The following ADAMTS18 variants were observed in gnomAD, a reference collection of about 807,000 sequenced individuals.
ADAMTS18 encodes the protein A disintegrin and metalloproteinase with thrombospondin motifs 18.
Under a neutral mutation model 165.9 loss-of-function variants are expected in ADAMTS18, and 157 were observed. The observed-to-expected ratio is 0.95, with a 90% confidence interval of 0.83 to 1.08. The LOEUF (loss-of-function observed/expected upper bound fraction) is 1.08, where lower values mean the gene tolerates loss of function less well. Among genes scored for constraint, ADAMTS18 ranks in the 50% least tolerant of loss-of-function variants. ADAMTS18 has a pLI of 0.00. For missense variants in ADAMTS18, 2,040 were observed against 1,534.0 expected (o/e 1.33, Z -5.51); for synonymous variants, 782 against 578.2 (o/e 1.35, Z -5.06).
Position 77,291,413 on chromosome 16 carries a change from C to T in ADAMTS18, c.3255G>A (p.Gln1085=). ...GCTCTGGGAAAGTTATCAGCTTTCC[C>T]TGGAAGCCCTTCTCGCTGCACTTCA... ...REMKCSEKGF[Q]GKLITFPERR... The change falls in exon 21 of 23, where the codon CAG becomes CAA. Residue 1085 remains glutamine, a synonymous_variant. Transcript: ENST00000282849. 1 of 1,614,168 alleles carries T rather than the reference C, an allele frequency of 6.2e-7. No homozygotes were observed. The highest frequency in any genetic ancestry group is 1.1e-5 in the South Asian group (1 of 91,080).
At chr16:77,404,377 G>T (rs2057368820) in intron 3 of ADAMTS18, among the ~76,000 whole-genome samples, 1 of 152,128 alleles carries the variant, frequency 6.6e-6, no homozygotes, top group African/African-American at 2.4e-5. Flanking sequence ...AACAGATTTT[G>T]AGTGCAAACC....
chr16:77,314,970 C>T (rs1042777252), intron 16 of ADAMTS18, among the ~76,000 whole-genome samples: 2 of 149,814 alleles, frequency 1.3e-5, no homozygotes, highest in Non-Finnish European at 1.5e-5. Flanking sequence ...AGAAACTTGC[C>T]TAAGTTATGT....
At chr16:77,423,176 G>A (rs888874359) in intron 3 of ADAMTS18, among the ~76,000 whole-genome samples, 3 of 152,198 alleles carry the variant, frequency 2.0e-5, no homozygotes, top group African/African-American at 2.4e-5. Context: ...TATAACGCCA[G>A]CTTGCAGTTA....
intron 3 of ADAMTS18, among the ~76,000 whole-genome samples, chr16:77,385,577 C>G (rs1157983738): frequency 1.3e-5 from 2 of 152,304 alleles, no homozygotes; most frequent in East Asian, 3.9e-4. Flanking sequence ...AAGCTCTCCA[C>G]CCAACCCTGC....
intron 3 of ADAMTS18, among the ~76,000 whole-genome samples, chr16:77,401,019 G>A (rs895704682): frequency 2.0e-5 from 3 of 152,014 alleles, no homozygotes; most frequent in Non-Finnish European, 4.4e-5. Context: ...ACTTTGGGAG[G>A]CTGAGGTGGG....
intron 16 of ADAMTS18, among the ~76,000 whole-genome samples, chr16:77,304,021 C>G (rs1301620886): frequency 2.6e-5 from 4 of 152,096 alleles, no homozygotes; most frequent in African/African-American, 4.8e-5. Flanking sequence ...CAGAGCAACA[C>G]TCCATCTCAA....
chr16:77,351,081 T>G (rs1354582434), intron 10 of ADAMTS18, among the ~76,000 whole-genome samples: 1 of 152,188 alleles, frequency 6.6e-6, no homozygotes, highest in Non-Finnish European at 1.5e-5. Flanking sequence ...TTTTGTTGCT[T>G]TGGAAATCCC....
intron 22 of ADAMTS18, among the ~76,000 whole-genome samples, chr16:77,287,792 C>T (rs559160909): frequency 3.2e-4 from 48 of 152,214 alleles, no homozygotes; most frequent in African/African-American, 1.1e-3. Flanking sequence ...TTTAATAAGC[C>T]ATTTCTCATA....
chr16:77,293,203 G>A lies in ADAMTS18; in HGVS notation c.3062C>T (p.Ser1021Phe). 2 of 1,613,992 alleles carry A rather than the reference G, an allele frequency of 1.2e-6. No individual in the cohort carries two copies. Among genetic ancestry groups the A allele is most frequent in the Non-Finnish European group, 1.7e-6 (2 of 1,179,988 alleles). The change falls in exon 20 of 23, where the codon TCT (serine) becomes TTT (phenylalanine). Residue 1021 changes from serine (S) to phenylalanine (F), a missense_variant. Ser to Phe is a radical substitution (Grantham distance 155). Transcript: ENST00000282849. ...GCTCTCGGGGAGGGTTTCTGCGGCA[G>A]AGCCCTTGCAGAGGAGTTCACGCTT... Reference protein sequence around the residue: ...VRKRELLCKGSAAETLPESQC... With the variant: ...VRKRELLCKGFAAETLPESQC...
At chr16:77,392,539 T>C (rs1567536179) in intron 3 of ADAMTS18, among the ~76,000 whole-genome samples, 2 of 152,158 alleles carry the variant, frequency 1.3e-5, no homozygotes. Context: ...TTCCCATGCC[T>C]GCCCCCTGCT....
chr16:77,293,420 C>A (rs1482929446), intron 19 of ADAMTS18, among the ~76,000 whole-genome samples, 162 bp from the exon 20 acceptor site: 1 of 151,788 alleles, frequency 6.6e-6, no homozygotes, highest in Non-Finnish European at 1.5e-5. Context: ...ATTCCCATTA[C>A]CCACCATACA....
intron 3 of ADAMTS18, among the ~76,000 whole-genome samples, chr16:77,429,863 C>T (rs776814387): frequency 6.6e-6 from 1 of 152,140 alleles, no homozygotes; most frequent in African/African-American, 2.4e-5. Context: ...ATCCCCACTG[C>T]CCTGTGATGT....
At chr16:77,341,569 T>C in intron 11 of ADAMTS18, 135 bp downstream of exon 11, 2 of 753,136 alleles carry the variant, frequency 2.7e-6, no homozygotes, top group South Asian at 3.1e-5. Flanking sequence ...TGCTGCTATA[T>C]AATGTTGTTA....
intron 19 of ADAMTS18, among the ~76,000 whole-genome samples, 162 bp from the exon 20 acceptor site, chr16:77,293,420 C>T (rs1482929446): frequency 6.6e-6 from 1 of 151,788 alleles, no homozygotes; most frequent in Non-Finnish European, 1.5e-5. Context: ...ATTCCCATTA[C>T]CCACCATACA....
At position 77,357,468 on chromosome 16, in the gene ADAMTS18, G is replaced by C. The variant is rs77137301; in HGVS notation, c.1323-1391C>G. On this transcript the variant is annotated intron_variant, in intron 8 of 22. Coordinates refer to ENST00000282849, the MANE Select transcript of ADAMTS18 (RefSeq NM_199355.4). ...CTTCTCACCTAACCAAGACGTTAAG[G>C]GGATTTCTTTGGGAGACACCCTTTC... Among the ~76,000 whole-genome samples, 436 of 152,182 alleles carry C rather than the reference G, an allele frequency of 2.9e-3. 6 individuals carry two copies. The highest frequency in any genetic ancestry group is 9.3e-3 in the African/African-American group (386 of 41,510).
Position 77,293,274 on chromosome 16 carries a change from A to G in ADAMTS18, c.3007-16T>C. On this transcript the variant is annotated splice_polypyrimidine_tract_variant and intron_variant, in intron 19 of 22. Coordinates refer to ENST00000282849, the MANE Select transcript of ADAMTS18 (RefSeq NM_199355.4). ...TCTTGGAACACTTGAGAAGACAAAA[A>G]AGTTCTATTTGCATTCCCATTAGGT... is the stretch of plus-strand genomic sequence containing the variant. 6.2e-7 allele frequency: 1 copy of G among 1,612,312 alleles called. No homozygotes were observed. Among genetic ancestry groups the G allele is most frequent in the Non-Finnish European group, 8.5e-7 (1 of 1,178,674 alleles).
intron 15 of ADAMTS18, 109 bp downstream of exon 15, chr16:77,320,970 G>T: frequency 7.3e-7 from 1 of 1,363,542 alleles, no homozygotes; most frequent in Non-Finnish European, 1.0e-6. Flanking sequence ...ACCATCACTA[G>T]TGTGTCCAGT....
At chr16:77,301,325 G>C (rs769319411) in intron 16 of ADAMTS18, among the ~76,000 whole-genome samples, 1 of 150,644 alleles carries the variant, frequency 6.6e-6, no homozygotes, top group Non-Finnish European at 1.5e-5. Flanking sequence ...GATCACACAA[G>C]TGACTAGGGA....
intron 20 of ADAMTS18, among the ~76,000 whole-genome samples, chr16:77,292,826 A>AT (rs1567456965): frequency 5.0e-4 from 76 of 151,204 alleles, no homozygotes; most frequent in Admixed American, 2.4e-3. Flanking sequence ...TCCAGCAGTG[A>AT]CTTTTTTTTT....
Sources: allele counts gnomAD v4.1 joint callset (sites outside exome capture counted in the v4.1 genomes callset), GRCh38; gene constraint gnomAD v4.1.1; transcripts MANE v1.5; gene names NCBI Gene and HGNC (gene_info 2026-07-23, HGNC 2026-07-21).